SIK2: variants seen among roughly 807,000 people sequenced by gnomAD.
SIK2 encodes the protein salt inducible kinase 2.
SIK2 carries 29 observed loss-of-function variants against 103.2 expected under a neutral mutation model. The ratio of observed to expected loss-of-function variants is 0.28; its 90% confidence interval spans 0.21 to 0.38. The LOEUF is 0.38. SIK2 is among the 10% of genes least tolerant of loss of function. The probability of loss-of-function intolerance (pLI) is 1.00; values close to 1 mark genes in which losing one functional copy is unlikely to be tolerated. For missense variants in SIK2, 879 were observed against 1,171.0 expected (o/e 0.75, Z 3.64); for synonymous variants, 412 against 446.1 (o/e 0.92, Z 0.96).
intron 3 of SIK2, among the ~76,000 whole-genome samples, chr11:111,659,820 A>G (rs1942444301): frequency 6.6e-6 from 1 of 152,216 alleles, no homozygotes; most frequent in African/African-American, 2.4e-5. Context: ...GAGGAAATGT[A>G]TTATCTCCTG....
chr11:111,725,176 C>A lies in SIK2; in HGVS notation c.*1047C>A, dbSNP rs1253620396. 2 of 152,612 alleles carry A rather than the reference C, an allele frequency of 1.3e-5. No homozygotes were observed. The highest frequency in any genetic ancestry group is 2.9e-5 in the Non-Finnish European group (2 of 68,038). The allele number at this position is 152,612 out of a possible 1,614,324, so 9.5% of individuals were successfully genotyped here. On this transcript the variant is annotated 3_prime_UTR_variant, in exon 15 of 15. Transcript: ENST00000304987. Reference sequence around the variant, plus strand: ...GTGAAGTGGTAGTGCGGTGCCTTTCCCCCAGATCATGCTTTAATTCTTTCT... The same window carrying A: ...GTGAAGTGGTAGTGCGGTGCCTTTCACCCAGATCATGCTTTAATTCTTTCT...
rs1005278667 is a variant in SIK2 at position 111,720,567 on chromosome 11, C to A, written c.1585C>A (p.Leu529Met). 6.2e-7 allele frequency: 1 copy of A among 1,614,026 alleles called. No individual in the cohort carries two copies. Among genetic ancestry groups the A allele is most frequent in the Non-Finnish European group, 8.5e-7 (1 of 1,180,040 alleles). ...GTCTGTTCAGAGGGACCTGAACTTT[C>A]TGGAAGACAACCCTTCCCTTAAGGA... ...MGSVQRDLNF[L>M]EDNPSLKDIM... Residue 529 changes from leucine (L) to methionine (M), a missense_variant, in exon 11 of 15, where the codon CTG becomes ATG. Physicochemically the swap from Leu to Met is conservative, Grantham distance 15 (BLOSUM62 2). Around this residue, in one of 7 missense-constraint regions of SIK2, gnomAD observed 222 missense variants for 258.0 expected, o/e 0.86. Coordinates refer to ENST00000304987, the MANE Select transcript of SIK2 (RefSeq NM_015191.3).
chr11:111,642,738 T>C (rs1942200374), intron 3 of SIK2, among the ~76,000 whole-genome samples: 1 of 148,520 alleles, frequency 6.7e-6, no homozygotes, highest in East Asian at 1.9e-4. Flanking sequence ...CATGGTTGGT[T>C]CCTCTAGCAA....
rs532870571 is a variant in SIK2, at chr11:111,701,896, A to G, written c.727+321A>G. Among the ~76,000 whole-genome samples, 141 of 152,320 alleles carry G rather than the reference A, an allele frequency of 9.3e-4. No homozygotes were observed. The highest frequency in any genetic ancestry group is 3.4e-3 in the Middle Eastern group (1 of 294). On this transcript the variant is annotated intron_variant, in intron 6 of 14. Transcript: ENST00000304987. This position sits in a 1 kb window ranked among gnomAD's most constrained non-coding sequence, Gnocchi z 4.2. The stretch of plus-strand genomic sequence containing the variant: ...ACAGATTCACAACCATTTTACTCCA[A>G]TATGAAATGAACTTTATAAAATTAA...
At chr11:111,642,413 G>GA (rs947751809) in intron 3 of SIK2, among the ~76,000 whole-genome samples, 1 of 152,124 alleles carries the variant, frequency 6.6e-6, no homozygotes, top group Non-Finnish European at 1.5e-5. Context: ...CAGAACCTAG[G>GA]AAAACAGTTT....
rs1591595286 is a variant in SIK2 at position 111,633,342 on chromosome 11, CTT to C, written c.316+12943_316+12944del. ...TGTTATTTAAAGTCTGCATGTGTAT[CTT>C]TTATCTCTTAATAGATTGTAAGCTT... On this transcript the variant is annotated intron_variant, in intron 3 of 14. Coordinates refer to ENST00000304987, the MANE Select transcript of SIK2 (RefSeq NM_015191.3). Among the ~76,000 whole-genome samples, 3 of 152,136 alleles carry C rather than the reference CTT, an allele frequency of 2.0e-5. No individual in the cohort carries two copies. In the East Asian group the frequency reaches 5.8e-4, roughly 29 times the overall value.
At position 111,728,826 on chromosome 11, in the gene SIK2, A is replaced by T. The variant is rs1240559899; in HGVS notation, c.*4697A>T. ...GTAGTTCCAGCTACTCGGGAGGCTG[A>T]GGCAGGAGAATGGCGTGAACCCGGG... On this transcript the variant is annotated 3_prime_UTR_variant, in exon 15 of 15. Coordinates refer to ENST00000304987, the MANE Select transcript of SIK2 (RefSeq NM_015191.3). 6.6e-6 allele frequency: 1 copy of T among 151,588 alleles called. No homozygotes were observed. The highest frequency in any genetic ancestry group is 2.1e-4 in the South Asian group (1 of 4,800). 9.4% of individuals were successfully genotyped at this position (151,588 alleles called of 1,614,324 possible).
At chr11:111,694,600 T>A (rs1943026974) in intron 4 of SIK2, among the ~76,000 whole-genome samples, 1 of 152,194 alleles carries the variant, frequency 6.6e-6, no homozygotes, top group Non-Finnish European at 1.5e-5. Flanking sequence ...TTTTTAAAAA[T>A]TTTTAAGTAT....
At position 111,728,123 on chromosome 11, in the gene SIK2, C is replaced by T. The variant is rs933415126; in HGVS notation, c.*3994C>T. Reference sequence around the variant, plus strand: ...CCAGGGCTGACCTGCTACACTCAAACTCCTAAACTGGGCTGCCTCTAACTG... The same window carrying T: ...CCAGGGCTGACCTGCTACACTCAAATTCCTAAACTGGGCTGCCTCTAACTG... On this transcript the variant is annotated 3_prime_UTR_variant, in exon 15 of 15. Coordinates refer to ENST00000304987, the MANE Select transcript of SIK2 (RefSeq NM_015191.3). 2.0e-5 allele frequency: 3 copies of T among 152,180 alleles called. No individual in the cohort carries two copies. Among genetic ancestry groups the T allele is most frequent in the Non-Finnish European group, 2.9e-5 (2 of 68,072 alleles). 9.4% of individuals were successfully genotyped at this position (152,180 alleles called of 1,614,324 possible).
chr11:111,662,976 T>G (rs1359697260), intron 3 of SIK2, among the ~76,000 whole-genome samples: 1 of 151,936 alleles, frequency 6.6e-6, no homozygotes, highest in Non-Finnish European at 1.5e-5. Context: ...CTCATACCTG[T>G]AATCTCAACA....
chr11:111,672,575 TA>T (rs750222092), intron 3 of SIK2, among the ~76,000 whole-genome samples: 4 of 152,180 alleles, frequency 2.6e-5, no homozygotes, highest in Non-Finnish European at 4.4e-5. Context: ...ACCATTAAAT[TA>T]TTTTTTTTTT....
Position 111,721,832 on chromosome 11 carries a change from A to C in SIK2, c.1947A>C (p.Glu649Asp). 6.2e-7 allele frequency: 1 copy of C among 1,605,972 alleles called. No individual in the cohort carries two copies. Among genetic ancestry groups the C allele is most frequent in the Non-Finnish European group, 8.5e-7 (1 of 1,176,562 alleles). ...GTTTCCACCCCCTTGCTCCTCAGGAAGAAGTTTCTCAGCAGCAGGAAAGCG... is the reference window on the plus strand; with the variant it reads ...GTTTCCACCCCCTTGCTCCTCAGGACGAAGTTTCTCAGCAGCAGGAAAGCG... ...LQDLASSCPQ[E>D]EVSQQQESVS... is the part of the protein sequence containing the mutation. The change falls in exon 13 of 15, where the codon GAA becomes GAC. Residue 649 changes from glutamate (E) to aspartate (D), a missense_variant and splice_region_variant. Physicochemically the swap from Glu to Asp is conservative, Grantham distance 45. This residue lies in a region of SIK2 where 375 missense variants were observed against 416.3 expected (regional missense o/e 0.90). Transcript: ENST00000304987.
rs151037278 is a variant in SIK2 at position 111,690,378 on chromosome 11, A to G, written c.478+2216A>G. 3.3e-3 allele frequency among the ~76,000 whole-genome samples: 504 copies of G among 151,532 alleles called. 10 individuals are homozygous for G. The highest frequency in any genetic ancestry group is 7.7e-4 in the East Asian group (4 of 5,176). ...CCAAAACGAAATATTTACCAAAACA[A>G]TAGCACAAAGGAGTTCTAGGAGTTG... On this transcript the variant is annotated intron_variant, in intron 4 of 14. Transcript: ENST00000304987.
chr11:111,716,910 T>C (rs1267695697), intron 9 of SIK2, among the ~76,000 whole-genome samples: 1 of 152,006 alleles, frequency 6.6e-6, no homozygotes, highest in African/African-American at 2.4e-5. Flanking sequence ...ATCCAGCCCA[T>C]AAGGAACTTA....
chr11:111,711,311 C>T (rs1485511815), intron 8 of SIK2, among the ~76,000 whole-genome samples: 2 of 151,942 alleles, frequency 1.3e-5, no homozygotes, highest in Admixed American at 6.6e-5. Context: ...TTAGTAGAGA[C>T]GGGGTTTCAC....
intron 8 of SIK2, 146 bp from the exon 9 acceptor site, chr11:111,712,065 A>G: frequency 1.2e-6 from 1 of 827,510 alleles, no homozygotes; most frequent in Non-Finnish European, 1.9e-6. Flanking sequence ...CCATGTATAT[A>G]TTTCACTAAA....
intron 3 of SIK2, among the ~76,000 whole-genome samples, chr11:111,660,166 A>G (rs1287488915): frequency 1.3e-5 from 2 of 152,170 alleles, no homozygotes; most frequent in East Asian, 1.9e-4. Context: ...TACCATTTCT[A>G]TACCCATCAC....
In SIK2 at chr11:111,726,448, C is replaced by G. The variant is rs540701427; in HGVS notation, c.*2319C>G. On this transcript the variant is annotated 3_prime_UTR_variant, in exon 15 of 15. Transcript: ENST00000304987. ...TATCAGGATCCGTCACACACGGCAG[C>G]GGCGTGGACACCGGCCTGATGCAGA... 6.5e-6 allele frequency: 1 copy of G among 154,252 alleles called. No homozygotes were observed. Among genetic ancestry groups the G allele is most frequent in the South Asian group, 2.0e-4 (1 of 4,962 alleles). 9.6% of individuals were successfully genotyped at this position (154,252 alleles called of 1,614,324 possible).
intron 3 of SIK2, among the ~76,000 whole-genome samples, chr11:111,680,783 A>T (rs1942767113): frequency 6.6e-6 from 1 of 152,248 alleles, no homozygotes. Flanking sequence ...GATAGCAACT[A>T]ACATTTATTG....
Sources: allele counts gnomAD v4.1 joint callset (sites outside exome capture counted in the v4.1 genomes callset), GRCh38; gene constraint gnomAD v4.1.1; regional missense constraint gnomAD v4.1.1; non-coding constraint Gnocchi (gnomAD v3.1); transcripts MANE v1.5; gene names NCBI Gene and HGNC (gene_info 2026-07-23, HGNC 2026-07-21).